Variants in RICTOR observed in about 807,000 individuals in gnomAD.
RICTOR encodes the protein rapamycin-insensitive companion of mTOR.
A neutral mutation model predicts 214.9 loss-of-function variants in RICTOR; 49 were observed. That is an observed-to-expected ratio of 0.23 (90% CI 0.18 to 0.29). The LOEUF (loss-of-function observed/expected upper bound fraction) is 0.29. Among genes scored for constraint, RICTOR ranks in the 10% least tolerant of loss-of-function variants. The probability of loss-of-function intolerance (pLI) is 1.00; values close to 1 mark genes in which losing one functional copy is unlikely to be tolerated. For synonymous variants in RICTOR, 717 were observed against 711.3 expected, an observed-to-expected ratio of 1.01 and a Z score of -0.13; for missense variants, 1,625 against 2,047.0, an observed-to-expected ratio of 0.79 and a Z score of 3.98.
chr5:39,020,017 T>C (rs1372933506), intron 3 of RICTOR, among the ~76,000 whole-genome samples: 1 of 152,158 alleles, frequency 6.6e-6, no homozygotes, highest in East Asian at 1.9e-4. Flanking sequence ...GAGGGAGTCA[T>C]TGCAGATGTG....
chr5:39,064,585 A>G (rs1013298116), intron 2 of RICTOR, among the ~76,000 whole-genome samples: 4 of 152,212 alleles, frequency 2.6e-5, no homozygotes, highest in Non-Finnish European at 5.9e-5. Flanking sequence ...CAGGCAAGCA[A>G]ATCATTCGCT....
intron 3 of RICTOR, among the ~76,000 whole-genome samples, chr5:39,009,087 A>C (rs1754292998): frequency 6.6e-6 from 1 of 152,136 alleles, no homozygotes; most frequent in Non-Finnish European, 1.5e-5. Context: ...AGTAATAATG[A>C]ATGTTAATAA....
At chr5:39,042,556 T>C (rs1757242704) in intron 2 of RICTOR, among the ~76,000 whole-genome samples, 1 of 152,186 alleles carries the variant, frequency 6.6e-6, no homozygotes, top group South Asian at 2.1e-4. Context: ...CCTCAATATA[T>C]AATACAATAC....
chr5:39,023,460 C>T (rs758860285), intron 2 of RICTOR, among the ~76,000 whole-genome samples: 1 of 152,126 alleles, frequency 6.6e-6, no homozygotes, highest in East Asian at 1.9e-4. Flanking sequence ...TTCACAAAAA[C>T]AAGCCATGGG....
intron 10 of RICTOR, among the ~76,000 whole-genome samples, chr5:38,973,649 CA>C (rs1419213681): frequency 1.3e-5 from 2 of 152,108 alleles, no homozygotes; most frequent in African/African-American, 4.8e-5. Context: ...GATTCAGGAT[CA>C]AAATTCAAAT....
At chr5:39,048,151 T>C (rs1433589271) in intron 2 of RICTOR, among the ~76,000 whole-genome samples, 3 of 152,208 alleles carry the variant, frequency 2.0e-5, no homozygotes, top group African/African-American at 7.2e-5. Flanking sequence ...GTACCACCTG[T>C]GAGCATGTCA....
chr5:38,944,855 A>AACAAC, intron 35 of RICTOR, 58 bp downstream of exon 35: 1 of 1,516,264 alleles, frequency 6.6e-7, no homozygotes, highest in Non-Finnish European at 9.1e-7. Context: ...AACAAAACAA[A>AACAAC]ACCAACTAAT....
chr5:39,000,971 A>G (rs1288239695), intron 5 of RICTOR, among the ~76,000 whole-genome samples: 1 of 152,102 alleles, frequency 6.6e-6, no homozygotes, highest in East Asian at 1.9e-4. Context: ...GTTGACAGAA[A>G]TCAAAGTTTC....
chr5:39,071,659 G>T (rs976510251), intron 2 of RICTOR, among the ~76,000 whole-genome samples: 4 of 152,126 alleles, frequency 2.6e-5, no homozygotes, highest in Non-Finnish European at 5.9e-5. Context: ...CACAGCTGAG[G>T]TTACAATCCA....
At chr5:38,945,269 T>C in intron 34 of RICTOR, 1 of 610,682 alleles carries the variant, frequency 1.6e-6, no homozygotes, top group Non-Finnish European at 2.9e-6. Context: ...CTGTTCACAG[T>C]GGAAAAGACC....
chr5:38,964,917 A>G (rs1467477918), intron 15 of RICTOR, 25 bp from the exon 16 acceptor site: 1 of 1,405,056 alleles, frequency 7.1e-7, no homozygotes, highest in African/African-American at 1.4e-5. Context: ...AACATTTTAC[A>G]TGAGTTTTCA....
Position 38,959,329 on chromosome 5 carries a change from G to T in RICTOR, c.2052-8C>A, listed in dbSNP as rs575136099. 3 of 1,321,660 alleles carry T rather than the reference G, an allele frequency of 2.3e-6. No individual in the cohort carries two copies. In the South Asian group the frequency reaches 4.6e-5, roughly 20 times the overall value. 81.9% of individuals were successfully genotyped at this position (1,321,660 alleles called of 1,614,324 possible). ...GAGCAAAGATTAAGGAGACTTAAAA[G>T]AAAAAAAAAATAAGAATGGTTAAAA... On this transcript the variant is annotated splice_polypyrimidine_tract_variant and splice_region_variant and intron_variant, in intron 21 of 37. Transcript: ENST00000357387.
intron 2 of RICTOR, among the ~76,000 whole-genome samples, chr5:39,050,199 A>ATATATATAT (rs1554011696): frequency 6.7e-6 from 1 of 148,472 alleles, no homozygotes; most frequent in Non-Finnish European, 1.5e-5. Flanking sequence ...TAAATAAATA[A>ATATATATAT]ATATATATAT....
chr5:39,018,974 G>A (rs1185559565), intron 3 of RICTOR, among the ~76,000 whole-genome samples: 1 of 152,132 alleles, frequency 6.6e-6, no homozygotes, highest in Non-Finnish European at 1.5e-5. Context: ...TATGAAGGCA[G>A]AACAGCCTTA....
At position 38,994,265 on chromosome 5, in the gene RICTOR, C is replaced by A. The variant is rs2592306; in HGVS notation, c.456+2554G>T. Among the ~76,000 whole-genome samples, 433 of 151,302 alleles carry A rather than the reference C, an allele frequency of 2.9e-3. 17 individuals carry two copies. In the East Asian group the frequency reaches 0.072, roughly 25 times the overall value. Reference sequence around the variant, plus strand: ...GGTGTATATGAAATGTAAATAAATTCTGTATTTAGATTTAGGTTTCATTCA... The same window carrying A: ...GGTGTATATGAAATGTAAATAAATTATGTATTTAGATTTAGGTTTCATTCA... On this transcript the variant is annotated intron_variant, in intron 6 of 37. Transcript: ENST00000357387.
intron 2 of RICTOR, 35 bp from the exon 3 acceptor site, chr5:39,021,171 T>A: frequency 8.9e-7 from 1 of 1,126,994 alleles, no homozygotes; most frequent in Non-Finnish European, 1.4e-6. Context: ...AACACAATTT[T>A]ATGAGTATTT....
rs568478659 is a variant in RICTOR, at chr5:38,975,239, T to C, written c.889+298A>G. ...CAGCTAACACTCAAGTTTTGTAGGT[T>C]TTTTTGGTAAAGATCATGCTTAAAT... On this transcript the variant is annotated intron_variant, in intron 10 of 37. Transcript: ENST00000357387. 9.2e-5 allele frequency among the ~76,000 whole-genome samples: 14 copies of C among 152,300 alleles called. No individual in the cohort carries two copies. In the South Asian group the frequency reaches 2.5e-3, roughly 27 times the overall value.
chr5:39,011,431 C>G (rs1754511160), intron 3 of RICTOR, among the ~76,000 whole-genome samples: 1 of 152,184 alleles, frequency 6.6e-6, no homozygotes, highest in South Asian at 2.1e-4. Flanking sequence ...AGCCCCCACA[C>G]AAAGTCCCCA....
At chr5:39,053,316 A>G (rs913090677) in intron 2 of RICTOR, among the ~76,000 whole-genome samples, 2 of 152,204 alleles carry the variant, frequency 1.3e-5, no homozygotes, top group African/African-American at 4.8e-5. Flanking sequence ...TGTCATGGCA[A>G]ATCAGGTTTC....
Sources: allele counts gnomAD v4.1 joint callset (sites outside exome capture counted in the v4.1 genomes callset), GRCh38; gene constraint gnomAD v4.1.1; transcripts MANE v1.5; gene names NCBI Gene and HGNC (gene_info 2026-07-23, HGNC 2026-07-21).